SPATA6: variants seen among roughly 807,000 people sequenced by gnomAD.
The protein encoded by SPATA6 is spermatogenesis associated 6.
SPATA6 carries 56 observed loss-of-function variants against 65.3 expected under a neutral mutation model. The ratio of observed to expected loss-of-function variants is 0.86; its 90% confidence interval spans 0.69 to 1.07. The LOEUF is 1.07. Among genes scored for constraint, SPATA6 ranks in the 50% least tolerant of loss-of-function variants. The pLI is 0.00. For synonymous variants in SPATA6, 199 were observed against 213.2 expected (o/e 0.93, Z 0.58); for missense variants, 590 against 594.8 (o/e 0.99, Z 0.08).
chr1:48,439,577 G>A (rs1328316644), intron 3 of SPATA6, among the ~76,000 whole-genome samples: 9 of 152,008 alleles, frequency 5.9e-5, no homozygotes, highest in Non-Finnish European at 1.2e-4. Flanking sequence ...CTGCTGCATC[G>A]GTGAGCACAA....
intron 11 of SPATA6, among the ~76,000 whole-genome samples, chr1:48,316,420 C>T (rs180720794): frequency 5.9e-4 from 89 of 151,916 alleles, no homozygotes; most frequent in African/African-American, 2.0e-3. Flanking sequence ...GTGACAAAAA[C>T]AAAAAATGGG....
the SPATA6 span, among the ~76,000 whole-genome samples, chr1:48,270,918 T>G: frequency 6.6e-6 from 1 of 152,158 alleles, no homozygotes; most frequent in Non-Finnish European, 1.5e-5. Context: ...ATAAATACCC[T>G]ACTTATCATA....
chr1:48,363,313 A>C (rs1156935124), intron 9 of SPATA6, among the ~76,000 whole-genome samples: 1 of 152,108 alleles, frequency 6.6e-6, no homozygotes, highest in Non-Finnish European at 1.5e-5. Flanking sequence ...TAAATGGAAT[A>C]TTATCTCTTT....
At chr1:48,363,102 C>A (rs1646867832) in intron 9 of SPATA6, among the ~76,000 whole-genome samples, 1 of 152,142 alleles carries the variant, frequency 6.6e-6, no homozygotes. Flanking sequence ...GCAATGGGAA[C>A]ACAGCTTGAA....
At chr1:48,470,943 C>T (rs1171137749) in intron 1 of SPATA6, among the ~76,000 whole-genome samples, 1 of 152,148 alleles carries the variant, frequency 6.6e-6, no homozygotes, top group African/African-American at 2.4e-5. Flanking sequence ...TGGTTCCAAA[C>T]TCCGTACAGG....
intron 11 of SPATA6, among the ~76,000 whole-genome samples, chr1:48,330,991 A>G (rs1179735821): frequency 6.6e-6 from 1 of 152,210 alleles, no homozygotes; most frequent in African/African-American, 2.4e-5. Context: ...ACCCAGTAGT[A>G]GACTAGAATA....
chr1:48,273,228 G>A, the SPATA6 span, among the ~76,000 whole-genome samples: 26,783 of 151,988 alleles, frequency 0.18, 2,591 homozygotes, highest in Admixed American at 0.26. Flanking sequence ...CTTCTTGTAC[G>A]GTTTTGTGGT....
intron 11 of SPATA6, among the ~76,000 whole-genome samples, chr1:48,328,899 T>C (rs183045324): frequency 1.0e-3 from 159 of 152,278 alleles, no homozygotes; most frequent in African/African-American, 3.7e-3. Context: ...GTACAGTGTT[T>C]TCTGGTAAGT....
At chr1:48,301,580 G>A (rs1350520756) in intron 12 of SPATA6, among the ~76,000 whole-genome samples, 5 of 151,560 alleles carry the variant, frequency 3.3e-5, no homozygotes, top group Non-Finnish European at 5.9e-5. Context: ...AAGCAATCCT[G>A]AGCAAACAGA....
At chr1:48,277,436 G>T in the SPATA6 span, among the ~76,000 whole-genome samples, 1 of 152,188 alleles carries the variant, frequency 6.6e-6, no homozygotes, top group Non-Finnish European at 1.5e-5. Context: ...CAAAGAAAGG[G>T]GTGACAGATG....
chr1:48,465,112 C>G (rs1484116853), intron 1 of SPATA6, among the ~76,000 whole-genome samples: 1 of 151,956 alleles, frequency 6.6e-6, no homozygotes, highest in Non-Finnish European at 1.5e-5. Flanking sequence ...GGTTTAGTAT[C>G]CAAAATATAT....
At chr1:48,374,726 A>G (rs561929357) in intron 9 of SPATA6, among the ~76,000 whole-genome samples, 1 of 152,268 alleles carries the variant, frequency 6.6e-6, no homozygotes, top group East Asian at 1.9e-4. Context: ...TCCTTATCAA[A>G]ATAGTGTTTA....
At position 48,313,073 on chromosome 1, in the gene SPATA6, G is replaced by A. The variant is rs980864009; in HGVS notation, c.1195-7195C>T. On this transcript the variant is annotated intron_variant, in intron 11 of 12. Coordinates refer to ENST00000371847, the MANE Select transcript of SPATA6 (RefSeq NM_019073.4). ...AAGACCAAATCTGTGTCTGATTGGT[G>A]TACCTGAAAGTGACGGGGAGAATGG... is the stretch of plus-strand genomic sequence containing the variant. Among the ~76,000 whole-genome samples, 10 of 152,204 alleles carry A rather than the reference G, an allele frequency of 6.6e-5. 1 individual carries two copies. The highest frequency in any genetic ancestry group is 1.9e-4 in the African/African-American group (8 of 41,438).
chr1:48,326,834 C>A (rs1645776195), intron 11 of SPATA6, among the ~76,000 whole-genome samples: 1 of 152,068 alleles, frequency 6.6e-6, no homozygotes, highest in Non-Finnish European at 1.5e-5. Context: ...TATCTCTCAC[C>A]ATACACAGTA....
downstream of SPATA6, among the ~76,000 whole-genome samples, chr1:48,291,575 TC>T (rs563499105): frequency 2.9e-3 from 438 of 152,250 alleles, 1 homozygote; most frequent in African/African-American, 0.01. Flanking sequence ...CTGGTCTCAC[TC>T]CCTCTGTGCC....
chr1:48,373,939 C>G (rs565695952), intron 9 of SPATA6, among the ~76,000 whole-genome samples: 71 of 152,300 alleles, frequency 4.7e-4, no homozygotes, highest in African/African-American at 1.5e-3. Flanking sequence ...GGGGACACAG[C>G]CAAACATATC....
chr1:48,305,475 A>T (rs1645038235), intron 12 of SPATA6, among the ~76,000 whole-genome samples: 1 of 152,124 alleles, frequency 6.6e-6, no homozygotes, highest in Admixed American at 6.6e-5. Flanking sequence ...TCAAATTATT[A>T]AAAAAGGTTG....
chr1:48,426,907 CAG>C (rs779875301), intron 3 of SPATA6, among the ~76,000 whole-genome samples: 1 of 150,142 alleles, frequency 6.7e-6, no homozygotes, highest in Non-Finnish European at 1.5e-5. Flanking sequence ...AAAGTAAAAA[CAG>C]AGAAAAAAGT....
chr1:48,285,219 T>C, the SPATA6 span, among the ~76,000 whole-genome samples: 1 of 152,056 alleles, frequency 6.6e-6, no homozygotes, highest in Admixed American at 6.6e-5. Context: ...GGCAGCTTTG[T>C]TTACACTGTG....
Sources: allele counts gnomAD v4.1 joint callset (sites outside exome capture counted in the v4.1 genomes callset), GRCh38; gene constraint gnomAD v4.1.1; transcripts MANE v1.5; gene names NCBI Gene and HGNC (gene_info 2026-07-23, HGNC 2026-07-21).